The following NUP153 variants were observed in gnomAD, a reference collection of about 807,000 sequenced individuals.
NUP153 encodes nuclear pore complex protein Nup153.
NUP153 carries 27 observed loss-of-function variants against 134.6 expected under a neutral mutation model. That is an observed-to-expected ratio of 0.20 (90% CI 0.15 to 0.28). The LOEUF (loss-of-function observed/expected upper bound fraction) is 0.28, where lower values mean the gene tolerates loss of function less well. Among genes scored for constraint, NUP153 ranks in the 10% least tolerant of loss-of-function variants. The pLI is 1.00. For missense variants in NUP153, 1,821 were observed against 1,731.3 expected, an observed-to-expected ratio of 1.05 and a Z score of -0.92; for synonymous variants, 640 against 623.5, an observed-to-expected ratio of 1.03 and a Z score of -0.40.
In NUP153 at chr6:17,615,100, A is replaced by G. The variant is rs1433234602; in HGVS notation, c.*997T>C. 6.6e-6 allele frequency: 1 copy of G among 152,654 alleles called. No individual in the cohort carries two copies. The highest frequency in any genetic ancestry group is 1.5e-5 in the Non-Finnish European group (1 of 68,032). 9.5% of individuals were successfully genotyped at this position (152,654 alleles called of 1,614,324 possible). On this transcript the variant is annotated 3_prime_UTR_variant, in exon 22 of 22. Transcript: ENST00000262077. This position sits in a 1 kb window ranked among gnomAD's most constrained non-coding sequence, Gnocchi z 5.7. ...TTTAACATGTTAATTATACTGTAAT[A>G]AACATGGCTTTAATATTAAACTTTT...
chr6:17,685,296 C>G (rs1209046842), intron 2 of NUP153, among the ~76,000 whole-genome samples: 1 of 152,056 alleles, frequency 6.6e-6, no homozygotes, highest in South Asian at 2.1e-4. Flanking sequence ...GCCTGTAATC[C>G]CAACACTTTG....
chr6:17,662,318 C>T (rs1767239537), intron 9 of NUP153, among the ~76,000 whole-genome samples: 2 of 152,172 alleles, frequency 1.3e-5, no homozygotes, highest in African/African-American at 2.4e-5. Flanking sequence ...ACAGACAATA[C>T]ACTCACTAAC....
At chr6:17,656,308 C>T (rs1766819050) in intron 11 of NUP153, among the ~76,000 whole-genome samples, 1 of 152,130 alleles carries the variant, frequency 6.6e-6, no homozygotes. Context: ...CAGGGTGGAA[C>T]AGAGCCAGTG....
At chr6:17,619,266 G>A (rs544930229) in intron 20 of NUP153, among the ~76,000 whole-genome samples, 4 of 152,122 alleles carry the variant, frequency 2.6e-5, no homozygotes, top group South Asian at 4.1e-4. Context: ...CCAAACATGG[G>A]GAGAGAATAA....
intron 14 of NUP153, among the ~76,000 whole-genome samples, chr6:17,645,233 ACT>A (rs1244255573): frequency 6.9e-6 from 1 of 143,938 alleles, no homozygotes; most frequent in Non-Finnish European, 1.5e-5. Context: ...ACAGAGCGAG[ACT>A]CTGTCTCAAA....
chr6:17,685,917 GCAGGAGGCTCA>G (rs1768894451), intron 2 of NUP153, among the ~76,000 whole-genome samples: 1 of 152,032 alleles, frequency 6.6e-6, no homozygotes, highest in Non-Finnish European at 1.5e-5. Flanking sequence ...GGAGGCCAAG[GCAGGAGGCTCA>G]CTTGAGGCCA....
At chr6:17,701,012 G>A (rs1261315972) in intron 1 of NUP153, among the ~76,000 whole-genome samples, 11 of 152,156 alleles carry the variant, frequency 7.2e-5, no homozygotes, top group Admixed American at 7.2e-4. Flanking sequence ...GATCACTTGA[G>A]GTCGGGAGTT....
intron 20 of NUP153, chr6:17,619,396 C>T (rs1018475864): frequency 6.6e-6 from 1 of 152,094 alleles, no homozygotes; most frequent in Non-Finnish European, 1.5e-5. Context: ...ACCCAGGAAA[C>T]GGGTTCCTCT....
chr6:17,643,035 T>C (rs1039524148), intron 14 of NUP153, among the ~76,000 whole-genome samples: 1 of 152,150 alleles, frequency 6.6e-6, no homozygotes, highest in African/African-American at 2.4e-5. Context: ...GGAGCAACTT[T>C]TTAATGGACA....
Position 17,637,496 on chromosome 6 carries a change from AGTTGT to A in NUP153, c.2116_2120del (p.Thr706SerfsTer13), listed in dbSNP as rs754433806. The A allele has an allele frequency of 1.3e-5, 21 of 1,614,184 alleles. No individual in the cohort carries two copies. Among genetic ancestry groups the A allele is most frequent in the Non-Finnish European group, 1.7e-5 (20 of 1,180,036 alleles). ...CAAAGCCTGTCCCTGATGCAGAAAG[AGTTGT>A]TTTGCCACTTTTATTTGGTGTTTCA... On this transcript the variant is annotated frameshift_variant, in exon 16 of 22. Transcript: ENST00000262077. LOFTEE classifies it high-confidence loss of function.
Position 17,675,576 on chromosome 6 carries a change from C to G in NUP153, c.529G>C (p.Asp177His). Residue 177 changes from aspartate (D) to histidine (H), a missense_variant, in exon 3 of 22, where the codon GAT becomes CAT. Coordinates refer to ENST00000262077, the MANE Select transcript of NUP153 (RefSeq NM_005124.4). This position sits in a 1 kb window ranked among gnomAD's most constrained non-coding sequence, Gnocchi z 4.4. ...KEIKDSTSQHDDDNISTTSGF... is the reference protein window; with the variant it reads ...KEIKDSTSQHHDDNISTTSGF... Reference sequence around the variant, plus strand: ...CTGGTAGTTGAGATGTTATCATCATCATGCTGAGAGGTAGAATCTTTAATT... The same window carrying G: ...CTGGTAGTTGAGATGTTATCATCATGATGCTGAGAGGTAGAATCTTTAATT... 6.2e-7 allele frequency: 1 copy of G among 1,613,928 alleles called. No homozygotes were observed. The highest frequency in any genetic ancestry group is 8.5e-7 in the Non-Finnish European group (1 of 1,179,838).
In NUP153 at chr6:17,624,484, G is replaced by A. The variant is rs931438075; in HGVS notation, c.4174+77C>T. The A allele has an allele frequency of 1.6e-5, 22 of 1,381,480 alleles. No homozygotes were observed. In the African/African-American group the frequency reaches 3.2e-4, roughly 20 times the overall value. The allele number at this position is 1,381,480 out of a possible 1,614,324, so 85.6% of individuals were successfully genotyped here. ...TAATTTTAAAATTAGACATATGAAT[G>A]GTTTCCAAGCTCAAAGGAAAATATT... is the stretch of plus-strand genomic sequence containing the variant. On this transcript the variant is annotated intron_variant, in intron 20 of 21. Transcript: ENST00000262077.
rs777291509 is a variant in NUP153, at chr6:17,624,792, C to T, written c.3943G>A (p.Ala1315Thr). The T allele has an allele frequency of 6.2e-7, 1 of 1,613,726 alleles. No homozygotes were observed. ...VFGTGPSAPS[A>T]SPAFGANQTP... ...TGGTTAGCACCAAATGCTGGACTGG[C>T]AGATGGTGCTGAGGGTCCAGTTCCA... The change falls in exon 20 of 22, where the codon GCC becomes ACC. Residue 1315 changes from alanine to threonine, a missense_variant. Transcript: ENST00000262077.
rs1252345182 is a variant in NUP153 at position 17,646,105 on chromosome 6, C to A, written c.1682G>T (p.Gly561Val). 4 of 1,602,006 alleles carry A rather than the reference C, an allele frequency of 2.5e-6. No individual in the cohort carries two copies. Among genetic ancestry groups the A allele is most frequent in the Non-Finnish European group, 3.4e-6 (4 of 1,169,846 alleles). The change falls in exon 14 of 22, where the codon GGT (glycine) becomes GTT (valine). Residue 561 changes from glycine (G) to valine (V), a missense_variant. Physicochemically the swap from Gly to Val is moderately radical, Grantham distance 109 (BLOSUM62 -3). Transcript: ENST00000262077. ...VPVAKTAELS[G>V]SSSTLEPIIS... ...AATTGGTTCTAAAGTACTACTAGAA[C>A]CAGAAAGTTCTGCTGTTTTTGCAAC...
At chr6:17,620,672 AT>A (rs923122425) in intron 20 of NUP153, among the ~76,000 whole-genome samples, 7 of 151,756 alleles carry the variant, frequency 4.6e-5, no homozygotes, top group Non-Finnish European at 1.5e-5. Flanking sequence ...AAACGTGGAG[AT>A]TTTTTTTCTT....
intron 1 of NUP153, among the ~76,000 whole-genome samples, chr6:17,693,183 TACACACACACACACACACACAC>T (rs67348223): frequency 0.011 from 1,584 of 145,936 alleles, 23 homozygotes; most frequent in African/African-American, 0.038. Flanking sequence ...AGCTTTTTCC[TACACACACACACACACACACAC>T]ACACACACAC....
chr6:17,695,100 T>G (rs1769555008), intron 1 of NUP153, among the ~76,000 whole-genome samples: 1 of 152,212 alleles, frequency 6.6e-6, no homozygotes, highest in African/African-American at 2.4e-5. Flanking sequence ...ACCTTATCAA[T>G]AAATGCTAAA....
At chr6:17,705,111 C>T (rs191262613) in intron 1 of NUP153, among the ~76,000 whole-genome samples, 22 of 152,326 alleles carry the variant, frequency 1.4e-4, no homozygotes, top group South Asian at 6.2e-4. Flanking sequence ...CAACATCAAC[C>T]ATGTGAAAGT....
chr6:17,694,776 A>C (rs1769526957), intron 1 of NUP153, among the ~76,000 whole-genome samples: 1 of 152,146 alleles, frequency 6.6e-6, no homozygotes. Context: ...CAGAAGTTCA[A>C]GACCAGCCTG....
Sources: allele counts gnomAD v4.1 joint callset (sites outside exome capture counted in the v4.1 genomes callset), GRCh38; gene constraint gnomAD v4.1.1; non-coding constraint Gnocchi (gnomAD v3.1); transcripts MANE v1.5; gene names NCBI Gene and HGNC (gene_info 2026-07-23, HGNC 2026-07-21).